The following SYT16 variants were observed in gnomAD, a reference collection of about 807,000 sequenced individuals.
SYT16 encodes the protein synaptotagmin-16.
Under a neutral mutation model 61.4 loss-of-function variants are expected in SYT16, and 42 were observed. The observed-to-expected ratio is 0.68, with a 90% CI of 0.53 to 0.89. SYT16 has a LOEUF of 0.89. SYT16 is among the 40% of genes least tolerant of loss of function. The pLI is 0.00. For missense variants in SYT16, 804 were observed against 807.3 expected (o/e 1.00, Z 0.05); for synonymous variants, 314 against 302.3 (o/e 1.04, Z -0.40).
chr14:62,059,574 G>A (rs75595055), intron 3 of SYT16, among the ~76,000 whole-genome samples: 8,118 of 151,052 alleles, frequency 0.054, 558 homozygotes, highest in East Asian at 0.17. Flanking sequence ...ATATCCTAAG[G>A]TCACAAAAGA....
chr14:61,985,082 A>C (rs148368769), intron 2 of SYT16, among the ~76,000 whole-genome samples: 1 of 152,308 alleles, frequency 6.6e-6, no homozygotes, highest in African/African-American at 2.4e-5. Flanking sequence ...TGCCAGACAC[A>C]GAAGCATTGA....
At chr14:62,089,465 CA>C (rs377064422) in intron 7 of SYT16, among the ~76,000 whole-genome samples, 2 of 152,056 alleles carry the variant, frequency 1.3e-5, no homozygotes, top group East Asian at 3.9e-4. Flanking sequence ...ATCTGTCTAT[CA>C]ATCATCTTTT....
intron 3 of SYT16, among the ~76,000 whole-genome samples, chr14:62,050,752 G>T (rs2055241346): frequency 6.6e-6 from 1 of 152,174 alleles, no homozygotes; most frequent in African/African-American, 2.4e-5. Context: ...GACCCTGTTT[G>T]CCTGGGTATC....
chr14:61,931,484 T>C lies in SYT16; in HGVS notation c.-324-38648T>C, dbSNP rs1197954499. On this transcript the variant is annotated intron_variant, in intron 1 of 7. Coordinates refer to ENST00000683842, the MANE Select transcript of SYT16 (RefSeq NM_001367656.1). ...CTCAGAGATGATTATTTTTATTATT[T>C]TGATGTATAGCTTTCTAGTTATTCA... is the stretch of plus-strand genomic sequence containing the variant. Among the ~76,000 whole-genome samples the C allele has an allele frequency of 2.6e-5, 4 of 152,242 alleles. No homozygotes were observed. In the East Asian group the frequency reaches 7.7e-4, roughly 29 times the overall value.
intron 1 of SYT16, among the ~76,000 whole-genome samples, chr14:61,879,338 A>C (rs2047610191): frequency 6.6e-6 from 1 of 152,196 alleles, no homozygotes; most frequent in Non-Finnish European, 1.5e-5. Context: ...AACTGTGAAG[A>C]AGTAAGGATG....
chr14:61,994,818 T>G (rs2052697853), intron 2 of SYT16, among the ~76,000 whole-genome samples: 1 of 152,196 alleles, frequency 6.6e-6, no homozygotes, highest in Admixed American at 6.5e-5. Context: ...GTTTATTGAA[T>G]AAGTCAATGC....
intron 2 of SYT16, among the ~76,000 whole-genome samples, chr14:61,972,613 C>A (rs1351354150): frequency 6.6e-6 from 1 of 152,178 alleles, no homozygotes; most frequent in African/African-American, 2.4e-5. Context: ...TATCAAAAGT[C>A]TTTGAAAAAC....
chr14:62,050,791 T>A (rs946735003), intron 3 of SYT16, among the ~76,000 whole-genome samples: 2 of 151,986 alleles, frequency 1.3e-5, no homozygotes, highest in African/African-American at 4.8e-5. Context: ...ACAGCAGATG[T>A]TGGTGAACCG....
intron 1 of SYT16, among the ~76,000 whole-genome samples, chr14:61,879,763 T>C (rs2047630723): frequency 6.6e-6 from 1 of 152,256 alleles, no homozygotes; most frequent in East Asian, 1.9e-4. Flanking sequence ...CAGTTAAATA[T>C]GTCAGGAGAA....
chr14:62,039,391 C>T (rs1047105423), intron 3 of SYT16, among the ~76,000 whole-genome samples: 1 of 152,102 alleles, frequency 6.6e-6, no homozygotes, highest in Non-Finnish European at 1.5e-5. Context: ...ATAAAGTATT[C>T]TAAGCTAAGA....
intron 1 of SYT16, among the ~76,000 whole-genome samples, chr14:61,929,148 T>C (rs1276797830): frequency 6.6e-6 from 1 of 152,196 alleles, no homozygotes; most frequent in East Asian, 1.9e-4. Context: ...TCAGGCTGTT[T>C]TGATGTAGTC....
intron 7 of SYT16, among the ~76,000 whole-genome samples, chr14:62,087,288 C>A (rs1000825487): frequency 1.3e-5 from 2 of 152,180 alleles, no homozygotes; most frequent in Non-Finnish European, 2.9e-5. Flanking sequence ...TGGGGAAAGG[C>A]GGAGGCCGCA....
At position 62,050,947 on chromosome 14, in the gene SYT16, G is replaced by A. The variant is rs565456970; in HGVS notation, c.524-18656G>A. 1.6e-4 allele frequency among the ~76,000 whole-genome samples: 25 copies of A among 152,294 alleles called. 1 individual carries two copies. The South Asian group carries it at 2.3e-3, about 14-fold the overall frequency. On this transcript the variant is annotated intron_variant, in intron 3 of 7. Coordinates refer to ENST00000683842, the MANE Select transcript of SYT16 (RefSeq NM_001367656.1). ...ACCCACTTGAGGAGGCAGTCTGTCCGTTCTCAGATCTCAAGCTGCGTGCTG... is the reference window on the plus strand; with the variant it reads ...ACCCACTTGAGGAGGCAGTCTGTCCATTCTCAGATCTCAAGCTGCGTGCTG...
At chr14:61,831,726 C>CTT in intron 1 of SYT16, 1 of 158,186 alleles carries the variant, frequency 6.3e-6, no homozygotes, top group Non-Finnish European at 1.4e-5. Context: ...TTCAGTAGTT[C>CTT]TTTTTTTTTT....
chr14:62,054,360 GTTT>G (rs11347339), intron 3 of SYT16, among the ~76,000 whole-genome samples: 3 of 118,250 alleles, frequency 2.5e-5, no homozygotes, highest in African/African-American at 6.8e-5. Flanking sequence ...AGTGAAGTGA[GTTT>G]TTTTTTTTTT....
intron 3 of SYT16, among the ~76,000 whole-genome samples, chr14:62,043,811 A>T (rs1287480608): frequency 1.3e-5 from 2 of 152,188 alleles, no homozygotes; most frequent in Non-Finnish European, 2.9e-5. Flanking sequence ...AGAGACTTTC[A>T]TAATACTTAA....
intron 1 of SYT16, among the ~76,000 whole-genome samples, chr14:61,834,006 G>C (rs2046039463): frequency 6.7e-6 from 1 of 149,482 alleles, no homozygotes; most frequent in Admixed American, 6.6e-5. Context: ...TTGGAATCTG[G>C]GAGATACTTG....
At chr14:61,996,867 T>A (rs938727268) in intron 3 of SYT16, among the ~76,000 whole-genome samples, 3 of 152,086 alleles carry the variant, frequency 2.0e-5, no homozygotes, top group African/African-American at 7.2e-5. Context: ...TGTTCTTTTT[T>A]TCTTCTAGGT....
At chr14:61,897,900 A>G (rs922788100) in intron 1 of SYT16, among the ~76,000 whole-genome samples, 5 of 152,116 alleles carry the variant, frequency 3.3e-5, no homozygotes, top group African/African-American at 1.2e-4. Context: ...GCTTTGCTTG[A>G]AAGTCATGGA....
Sources: gnomAD v4.1 joint callset for allele counts (sites outside exome capture counted in the v4.1 genomes callset) on GRCh38, gnomAD v4.1.1 for gene constraint, MANE v1.5 for transcripts, NCBI Gene and HGNC (gene_info 2026-07-23, HGNC 2026-07-21) for gene names.